The following TOMM70 variants were observed in gnomAD, a reference collection of about 807,000 sequenced individuals.
TOMM70 encodes the protein translocase of outer mitochondrial membrane 70, also known as mitochondrial import receptor subunit TOM70.
TOMM70 carries 13 observed loss-of-function variants against 73.6 expected under a neutral mutation model. The observed-to-expected ratio is 0.18, with a 90% CI of 0.11 to 0.28. The LOEUF (loss-of-function observed/expected upper bound fraction) is 0.28, where lower values mean the gene tolerates loss of function less well. TOMM70 is among the 10% of genes least tolerant of loss of function. The pLI is 1.00. For missense variants in TOMM70, 609 were observed against 747.5 expected (o/e 0.81, Z 2.16); for synonymous variants, 257 against 271.2 (o/e 0.95, Z 0.51).
intron 1 of TOMM70, among the ~76,000 whole-genome samples, chr3:100,392,670 A>C (rs1328659231): frequency 6.6e-6 from 1 of 151,914 alleles, no homozygotes; most frequent in Non-Finnish European, 1.5e-5. Flanking sequence ...CACACACCTC[A>C]GCCTCCCAAA....
At chr3:100,375,188 T>C in intron 6 of TOMM70, 36 bp from the exon 7 acceptor site, 4 of 1,495,170 alleles carry the variant, frequency 2.7e-6, no homozygotes, top group South Asian at 1.3e-5. Flanking sequence ...TCATCATTAC[T>C]TTTTTTTCCC....
At chr3:100,389,800 G>A (rs1157472684) in intron 1 of TOMM70, among the ~76,000 whole-genome samples, 1 of 152,206 alleles carries the variant, frequency 6.6e-6, no homozygotes, top group Non-Finnish European at 1.5e-5. Context: ...CCAGCACTTT[G>A]GGAGGCTGAG....
At position 100,366,011 on chromosome 3, in the gene TOMM70, A is replaced by C. The variant is rs968828404; in HGVS notation, c.1674-294T>G. ...TATCCCTTGTATTCTGTGTTTACTGATAAGAACAGTCAGACTAGGGAAATT... is the reference window on the plus strand; with the variant it reads ...TATCCCTTGTATTCTGTGTTTACTGCTAAGAACAGTCAGACTAGGGAAATT... On this transcript the variant is annotated intron_variant, in intron 11 of 11. Transcript: ENST00000284320. 3.3e-5 allele frequency among the ~76,000 whole-genome samples: 5 copies of C among 152,260 alleles called. No individual in the cohort carries two copies. In the South Asian group the frequency reaches 1.0e-3, roughly 31 times the overall value.
At chr3:100,368,560 A>G (rs1288111200) in intron 10 of TOMM70, among the ~76,000 whole-genome samples, 1 of 152,118 alleles carries the variant, frequency 6.6e-6, no homozygotes, top group African/African-American at 2.4e-5. Context: ...CAGAGCAAGA[A>G]TAGTACATTA....
At chr3:100,393,199 G>A (rs993264196) in intron 1 of TOMM70, among the ~76,000 whole-genome samples, 2 of 151,668 alleles carry the variant, frequency 1.3e-5, no homozygotes, top group Non-Finnish European at 2.9e-5. Flanking sequence ...AAAAAGATAG[G>A]GAACCAACCT....
chr3:100,380,775 G>T (rs1438958995), intron 5 of TOMM70, among the ~76,000 whole-genome samples: 1 of 152,114 alleles, frequency 6.6e-6, no homozygotes, highest in East Asian at 1.9e-4. Flanking sequence ...ACTAAAATTT[G>T]TACACTGCAG....
intron 11 of TOMM70, among the ~76,000 whole-genome samples, 162 bp downstream of exon 11, chr3:100,367,882 C>T (rs1706463242): frequency 6.6e-6 from 1 of 152,204 alleles, no homozygotes; most frequent in Admixed American, 6.5e-5. Flanking sequence ...AACTTGGCTA[C>T]CAATCCTTAT....
intron 1 of TOMM70, among the ~76,000 whole-genome samples, chr3:100,393,971 A>C (rs1489817461): frequency 6.6e-6 from 1 of 152,248 alleles, no homozygotes; most frequent in Non-Finnish European, 1.5e-5. Context: ...GTCCTGCAAC[A>C]CGATTACATG....
chr3:100,377,805 G>C lies in TOMM70; in HGVS notation c.992C>G (p.Ala331Gly). The C allele has an allele frequency of 6.2e-7, 1 of 1,614,196 alleles. No individual in the cohort carries two copies. The highest frequency in any genetic ancestry group is 1.1e-5 in the South Asian group (1 of 91,080). The change falls in exon 6 of 12, where the codon GCA (alanine) becomes GGA (glycine). Residue 331 changes from alanine (A) to glycine (G), a missense_variant. Ala to Gly is a moderately conservative substitution (Grantham distance 60, BLOSUM62 0). Coordinates refer to ENST00000284320, the MANE Select transcript of TOMM70 (RefSeq NM_014820.5). ...IDAEGKYMAE[A>G]LLLRATFYLL... ...GTAGAAGGTAGCTCGTAGTAGCAAT[G>C]CTTCTGCCATGTATTTGCCTTCAGC...
intron 5 of TOMM70, 105 bp downstream of exon 5, chr3:100,381,506 GTAGA>G (rs936634043): frequency 1.2e-4 from 88 of 709,684 alleles, no homozygotes; most frequent in Non-Finnish European, 1.8e-4. Context: ...ATCTCTATCT[GTAGA>G]TAGATAGCTG....
In TOMM70 at chr3:100,386,233, T is replaced by G; in HGVS notation, c.610A>C (p.Lys204Gln). Residue 204 changes from lysine (K) to glutamine (Q), a missense_variant, in exon 3 of 12, where the codon AAG becomes CAG. By Grantham distance (53) the Lys-to-Gln change is moderately conservative. Coordinates refer to ENST00000284320, the MANE Select transcript of TOMM70 (RefSeq NM_014820.5). ...AKAHEKLDNK[K>Q]ECLEDVTAVC... The stretch of plus-strand genomic sequence containing the variant: ...TTACCCTCACCTTCTAAACATTCCT[T>G]CTTATTGTCTAGCTTCTCATGGGCT... The G allele has an allele frequency of 1.2e-6, 2 of 1,611,006 alleles. No individual in the cohort carries two copies. The highest frequency in any genetic ancestry group is 1.7e-6 in the Non-Finnish European group (2 of 1,178,622).
chr3:100,384,279 A>C (rs1186713200), intron 4 of TOMM70, among the ~76,000 whole-genome samples, 200 bp downstream of exon 4: 1 of 152,262 alleles, frequency 6.6e-6, no homozygotes, highest in African/African-American at 2.4e-5. Flanking sequence ...TTCTCCAGGT[A>C]GAGTAATGGA....
chr3:100,393,373 C>A (rs937637777), intron 1 of TOMM70, among the ~76,000 whole-genome samples: 2 of 152,062 alleles, frequency 1.3e-5, no homozygotes, highest in Non-Finnish European at 1.5e-5. Flanking sequence ...TATGTTCTCA[C>A]TTATAAGTGG....
At chr3:100,366,892 G>C (rs1248473747) in intron 11 of TOMM70, among the ~76,000 whole-genome samples, 1 of 152,184 alleles carries the variant, frequency 6.6e-6, no homozygotes, top group Non-Finnish European at 1.5e-5. Flanking sequence ...TCTAGTACAA[G>C]AATATTTTAT....
intron 1 of TOMM70, among the ~76,000 whole-genome samples, chr3:100,396,033 T>C (rs111917289): frequency 8.0e-6 from 1 of 125,142 alleles, no homozygotes; most frequent in Admixed American, 7.9e-5. Flanking sequence ...TTTTTTTTTT[T>C]AAATCAGGAA....
intron 8 of TOMM70, 26 bp downstream of exon 8, chr3:100,373,512 A>C: frequency 6.5e-7 from 1 of 1,547,218 alleles, no homozygotes; most frequent in Non-Finnish European, 8.8e-7. Context: ...GATGTTTAGG[A>C]AAATACAAAA....
intron 5 of TOMM70, among the ~76,000 whole-genome samples, chr3:100,379,034 T>C (rs1340377552): frequency 6.6e-6 from 1 of 151,750 alleles, no homozygotes; most frequent in Non-Finnish European, 1.5e-5. Flanking sequence ...AATAAATAAA[T>C]AAATAACTGA....
intron 1 of TOMM70, among the ~76,000 whole-genome samples, chr3:100,392,266 G>C (rs201217043): frequency 6.6e-6 from 1 of 151,978 alleles, no homozygotes; most frequent in East Asian, 1.9e-4. Flanking sequence ...CCAACAAGCA[G>C]AAAATTATTA....
rs1392919566 is a variant in TOMM70, at chr3:100,364,122, A to T, written c.*1442T>A. On this transcript the variant is annotated 3_prime_UTR_variant, in exon 12 of 12. Coordinates refer to ENST00000284320, the MANE Select transcript of TOMM70 (RefSeq NM_014820.5). ...AACACAACCCTTCCCTCACCAGAAA[A>T]ATCTAGCATATAAGCAAAAGGATGG... 6.6e-6 allele frequency: 1 copy of T among 152,184 alleles called. No homozygotes were observed. Among genetic ancestry groups the T allele is most frequent in the Non-Finnish European group, 1.5e-5 (1 of 68,032 alleles). 9.4% of individuals were successfully genotyped at this position (152,184 alleles called of 1,614,324 possible). A position where few individuals can be genotyped will look rare whatever the true frequency, so the allele number is the denominator to read the frequency against.
Sources: gnomAD v4.1 joint callset for allele counts (sites outside exome capture counted in the v4.1 genomes callset) on GRCh38, gnomAD v4.1.1 for gene constraint, MANE v1.5 for transcripts, NCBI Gene and HGNC (gene_info 2026-07-23, HGNC 2026-07-21) for gene names.